The following CFAP299 variants were observed in gnomAD, a reference collection of about 807,000 sequenced individuals.
CFAP299 encodes the protein cilia and flagella associated protein 299.
A neutral mutation model predicts 27.0 loss-of-function variants in CFAP299; 21 were observed. The observed-to-expected ratio is 0.78, with a 90% CI of 0.55 to 1.12. CFAP299 has a LOEUF of 1.12. Among genes scored for constraint, CFAP299 ranks in the 50% most tolerant of loss-of-function variants. The pLI is 0.00. For synonymous variants in CFAP299, 104 were observed against 98.1 expected, an observed-to-expected ratio of 1.06 and a Z score of -0.36; for missense variants, 310 against 276.6, an observed-to-expected ratio of 1.12 and a Z score of -0.86.
chr4:80,562,435 C>G (rs1369331802), intron 2 of CFAP299, among the ~76,000 whole-genome samples: 1 of 151,552 alleles, frequency 6.6e-6, no homozygotes, highest in Non-Finnish European at 1.5e-5. Flanking sequence ...CTGTCTCTAC[C>G]AAAAATACAA....
chr4:80,697,984 G>A (rs1418752843), intron 3 of CFAP299, among the ~76,000 whole-genome samples: 1 of 152,198 alleles, frequency 6.6e-6, no homozygotes, highest in Non-Finnish European at 1.5e-5. Context: ...AGACATTCAT[G>A]TTTGTGAAAA....
chr4:80,551,846 C>G (rs1343715290), intron 2 of CFAP299, among the ~76,000 whole-genome samples: 1 of 151,860 alleles, frequency 6.6e-6, no homozygotes, highest in African/African-American at 2.4e-5. Context: ...CTCCCAGGTT[C>G]AAGTGATTTT....
intron 3 of CFAP299, among the ~76,000 whole-genome samples, chr4:80,654,444 G>A (rs1206140897): frequency 1.3e-5 from 2 of 152,016 alleles, no homozygotes; most frequent in East Asian, 3.9e-4. Context: ...TGTGTTTTAG[G>A]TTTCATTAAT....
rs1211191672 is a variant in CFAP299, at chr4:80,390,610, CATATGTAT to C, written c.242+27744_242+27751del. Among the ~76,000 whole-genome samples the C allele has an allele frequency of 2.2e-3, 64 of 28,716 alleles. 1 individual carries two copies. Among genetic ancestry groups the C allele is most frequent in the African/African-American group, 7.3e-3 (61 of 8,390 alleles). 18.8% of individuals were successfully genotyped at this position (28,716 alleles called of 152,430 possible). On this transcript the variant is annotated intron_variant, in intron 2 of 5. Transcript: ENST00000358105. ...GTATATATGTATATATGTATACACA[CATATGTAT>C]ATATGTATATATGTATACACATATA...
At chr4:80,326,147 A>G in the CFAP299 span, among the ~76,000 whole-genome samples, 9 of 152,206 alleles carry the variant, frequency 5.9e-5, no homozygotes, top group African/African-American at 2.2e-4. Flanking sequence ...CATATCTTCC[A>G]TCTGTAAGGT....
chr4:80,511,725 T>G (rs1732311989), intron 2 of CFAP299, among the ~76,000 whole-genome samples: 1 of 152,128 alleles, frequency 6.6e-6, no homozygotes, highest in South Asian at 2.1e-4. Context: ...ATAAAGCTAC[T>G]GACCCCAGGG....
chr4:80,673,537 G>A (rs940566799), intron 3 of CFAP299, among the ~76,000 whole-genome samples: 2 of 152,054 alleles, frequency 1.3e-5, no homozygotes, highest in Non-Finnish European at 1.5e-5. Flanking sequence ...TGCTTGGTGC[G>A]GAGCTGAGTT....
chr4:80,914,733 C>T (rs796159677), intron 4 of CFAP299, among the ~76,000 whole-genome samples: 16 of 152,196 alleles, frequency 1.1e-4, no homozygotes, highest in South Asian at 6.2e-4. Context: ...GAAAATCATC[C>T]GTTTTATCTG....
At chr4:80,944,981 T>A in intron 5 of CFAP299, 42 bp downstream of exon 5, 1 of 1,558,770 alleles carries the variant, frequency 6.4e-7, no homozygotes, top group South Asian at 1.2e-5. Context: ...TCTTCACATG[T>A]TATTGTATTT....
intron 2 of CFAP299, among the ~76,000 whole-genome samples, chr4:80,430,142 A>G (rs1400702567): frequency 1.3e-5 from 2 of 152,136 alleles, no homozygotes; most frequent in Non-Finnish European, 2.9e-5. Flanking sequence ...TCATTTATTT[A>G]ATATATTTTT....
At chr4:80,769,233 C>T (rs1726067579) in intron 3 of CFAP299, among the ~76,000 whole-genome samples, 1 of 152,128 alleles carries the variant, frequency 6.6e-6, no homozygotes, top group African/African-American at 2.4e-5. Context: ...TTGTTCAATA[C>T]ACTACGGTAT....
intron 5 of CFAP299, among the ~76,000 whole-genome samples, chr4:80,952,018 G>A (rs1737806956): frequency 1.3e-5 from 2 of 152,136 alleles, no homozygotes; most frequent in Non-Finnish European, 2.9e-5. Flanking sequence ...GGGGTTGGGA[G>A]GTTTTACGCA....
intron 2 of CFAP299, among the ~76,000 whole-genome samples, chr4:80,520,633 A>G (rs993016712): frequency 6.6e-6 from 1 of 152,194 alleles, no homozygotes; most frequent in Non-Finnish European, 1.5e-5. Flanking sequence ...TGCCTGTGAG[A>G]TGAAACCTTG....
chr4:80,684,710 T>A (rs912483398), intron 3 of CFAP299, among the ~76,000 whole-genome samples: 1 of 152,320 alleles, frequency 6.6e-6, no homozygotes, highest in East Asian at 1.9e-4. Flanking sequence ...AATGAATGGA[T>A]ACAGTTTAAC....
Position 80,416,253 on chromosome 4 carries a change from A to C in CFAP299, c.242+53369A>C, listed in dbSNP as rs1027887195. On this transcript the variant is annotated intron_variant, in intron 2 of 5. Coordinates refer to ENST00000358105, the MANE Select transcript of CFAP299 (RefSeq NM_152770.3). ...TTTGTGATGGCCAACTTGACGTTGA[A>C]ATTTAAAATTGTGCTTTTGTTATGT... 5.9e-5 allele frequency among the ~76,000 whole-genome samples: 9 copies of C among 152,234 alleles called. No individual in the cohort carries two copies. The South Asian group carries it at 6.2e-4, about 10-fold the overall frequency.
At chr4:80,796,881 G>A (rs1252976388) in intron 3 of CFAP299, among the ~76,000 whole-genome samples, 3 of 152,124 alleles carry the variant, frequency 2.0e-5, no homozygotes, top group Non-Finnish European at 4.4e-5. Context: ...CACCCTACCA[G>A]TTAGGGAACC....
upstream of CFAP299, among the ~76,000 whole-genome samples, chr4:80,333,950 T>C (rs774143485): frequency 3.3e-5 from 5 of 152,230 alleles, no homozygotes; most frequent in African/African-American, 1.2e-4. Flanking sequence ...TGAAGTTAAA[T>C]TGAAAGTTTA....
At chr4:80,350,950 A>G (rs1722986020) in intron 1 of CFAP299, among the ~76,000 whole-genome samples, 1 of 152,202 alleles carries the variant, frequency 6.6e-6, no homozygotes, top group Admixed American at 6.5e-5. Flanking sequence ...AAAGTAAAAA[A>G]TAAGTAAATA....
chr4:80,629,697 T>C (rs1181961514), intron 3 of CFAP299, among the ~76,000 whole-genome samples: 5 of 151,768 alleles, frequency 3.3e-5, no homozygotes, highest in Non-Finnish European at 7.4e-5. Flanking sequence ...TTGGCGAACA[T>C]AGTGAAACCT....
Sources: allele counts gnomAD v4.1 joint callset (sites outside exome capture counted in the v4.1 genomes callset), GRCh38; gene constraint gnomAD v4.1.1; transcripts MANE v1.5; gene names NCBI Gene and HGNC (gene_info 2026-07-23, HGNC 2026-07-21).